HNRNPA1L2: variants seen among roughly 807,000 people sequenced by gnomAD.
The protein encoded by HNRNPA1L2 is heterogeneous nuclear ribonucleoprotein A1-like 2.
Under a neutral mutation model 18.2 loss-of-function variants are expected in HNRNPA1L2, and 10 were observed. The observed-to-expected ratio is 0.55, with a 90% CI of 0.34 to 0.93. HNRNPA1L2 has a LOEUF of 0.93. Among genes scored for constraint, HNRNPA1L2 ranks in the 40% least tolerant of loss-of-function variants. HNRNPA1L2 has a pLI of 0.02. For missense variants in HNRNPA1L2, 308 were observed against 394.4 expected, an observed-to-expected ratio of 0.78 and a Z score of 1.85; for synonymous variants, 124 against 138.6, an observed-to-expected ratio of 0.89 and a Z score of 0.74.
the HNRNPA1L2 span, among the ~76,000 whole-genome samples, chr13:52,630,243 T>A: frequency 6.6e-6 from 1 of 152,232 alleles, no homozygotes; most frequent in African/African-American, 2.4e-5. Context: ...ATATTTGGCA[T>A]GGTCTGACAA....
At chr13:52,622,623 A>C in the HNRNPA1L2 span, among the ~76,000 whole-genome samples, 2 of 152,226 alleles carry the variant, frequency 1.3e-5, no homozygotes, top group African/African-American at 4.8e-5. Context: ...AGGTAGCTTC[A>C]TGTCTGTAAA....
chr13:52,635,831 GTTTTTT>G, the HNRNPA1L2 span, among the ~76,000 whole-genome samples: 1 of 131,784 alleles, frequency 7.6e-6, no homozygotes, highest in African/African-American at 2.8e-5. Context: ...CTGTATTACT[GTTTTTT>G]TTTTTTTTTT....
the HNRNPA1L2 span, among the ~76,000 whole-genome samples, chr13:52,635,194 T>C: frequency 6.6e-6 from 1 of 152,120 alleles, no homozygotes; most frequent in African/African-American, 2.4e-5. Flanking sequence ...TAAAGGCTCA[T>C]AGAAACCGAT....
rs1205711850 is a variant in HNRNPA1L2 at position 52,642,656 on chromosome 13, G to A, written c.164G>A (p.Arg55Lys). 6.2e-7 allele frequency: 1 copy of A among 1,611,220 alleles called. No homozygotes were observed. Among genetic ancestry groups the A allele is most frequent in the Non-Finnish European group, 8.5e-7 (1 of 1,179,848 alleles). The change falls in exon 1 of 1, where the codon AGG becomes AAG. Residue 55 changes from arginine (R) to lysine (K), a missense_variant. By Grantham distance (26) the Arg-to-Lys change is conservative. Transcript: ENST00000357495. ...VMRDPNTKRS[R>K]GFGFVTYATV... is the part of the protein sequence containing the mutation. ...AGAGATCCAAACACCAAGCGCTCCAGGGGCTTTGGGTTTGTCACATATGCC... is the reference window on the plus strand; with the variant it reads ...AGAGATCCAAACACCAAGCGCTCCAAGGGCTTTGGGTTTGTCACATATGCC...
At chr13:52,622,841 T>A in the HNRNPA1L2 span, among the ~76,000 whole-genome samples, 1 of 152,114 alleles carries the variant, frequency 6.6e-6, no homozygotes, top group Non-Finnish European at 1.5e-5. Context: ...TGGCATTGTG[T>A]TGTAGGTTAA....
the HNRNPA1L2 span, among the ~76,000 whole-genome samples, chr13:52,633,481 A>T: frequency 6.6e-6 from 1 of 152,168 alleles, no homozygotes. Flanking sequence ...CTCAGTACAA[A>T]TGGTCTCCAG....
the HNRNPA1L2 span, among the ~76,000 whole-genome samples, chr13:52,630,029 AG>A: frequency 2.0e-5 from 3 of 151,940 alleles, no homozygotes; most frequent in Non-Finnish European, 2.9e-5. Flanking sequence ...TGGAGGTTGC[AG>A]TGAGCCAAGA....
chr13:52,642,505 G>A lies in HNRNPA1L2; in HGVS notation c.13G>A (p.Ala5Thr). Residue 5 changes from alanine (A) to threonine (T), a missense_variant, in exon 1 of 1, where the codon GCG (alanine) becomes ACG (threonine). Coordinates refer to ENST00000357495, the MANE Select transcript of HNRNPA1L2 (RefSeq NM_001389320.1). ...TCACCTTGCCGTCATGTCTAAGTCA[G>A]CGTCTCCAAAAGAGCCCGAACAGCT... MSKS[A>T]SPKEPEQLRK... 1 of 1,611,906 alleles carries A rather than the reference G, an allele frequency of 6.2e-7. No individual in the cohort carries two copies. The highest frequency in any genetic ancestry group is 2.2e-5 in the East Asian group (1 of 44,884).
At chr13:52,642,347 A>G, upstream of HNRNPA1L2, 1 of 1,121,578 alleles carries the variant, frequency 8.9e-7, no homozygotes. Flanking sequence ...GCCCATATGA[A>G]AAATGTATTT....
the HNRNPA1L2 span, among the ~76,000 whole-genome samples, chr13:52,626,568 A>T: frequency 6.6e-6 from 1 of 152,176 alleles, no homozygotes; most frequent in African/African-American, 2.4e-5. Flanking sequence ...ATATACGCAA[A>T]GTACGCAAAA....
the HNRNPA1L2 span, among the ~76,000 whole-genome samples, chr13:52,626,253 T>C: frequency 2.0e-5 from 3 of 151,998 alleles, no homozygotes; most frequent in Non-Finnish European, 1.5e-5. Context: ...AAAATATTAA[T>C]TTGGGTCCCA....
chr13:52,636,655 A>G, the HNRNPA1L2 span, among the ~76,000 whole-genome samples: 3 of 152,216 alleles, frequency 2.0e-5, no homozygotes, highest in Non-Finnish European at 4.4e-5. Context: ...TAGAGTTAAA[A>G]TAAACAGTCT....
the HNRNPA1L2 span, among the ~76,000 whole-genome samples, chr13:52,631,678 T>TAAAAAAAGAATTTAGAATTATA: frequency 6.6e-6 from 1 of 152,294 alleles, no homozygotes; most frequent in Non-Finnish European, 1.5e-5. Context: ...GTTTAGTCCA[T>TAAAAAAAGAATTTAGAATTATA]AAAAAAAGAA....
In HNRNPA1L2 at chr13:52,642,518, A is replaced by G; in HGVS notation, c.26A>G (p.Glu9Gly). 1 of 1,611,922 alleles carries G rather than the reference A, an allele frequency of 6.2e-7. No individual in the cohort carries two copies. The highest frequency in any genetic ancestry group is 8.5e-7 in the Non-Finnish European group (1 of 1,179,832). Residue 9 changes from glutamate (E) to glycine (G), a missense_variant, in exon 1 of 1, where the codon GAG (glutamate) becomes GGG (glycine). By Grantham distance (98) the Glu-to-Gly change is moderately conservative. Transcript: ENST00000357495. MSKSASPK[E>G]PEQLRKLFIG... ...ATGTCTAAGTCAGCGTCTCCAAAAG[A>G]GCCCGAACAGCTGAGGAAGCTCTTC...
the HNRNPA1L2 span, among the ~76,000 whole-genome samples, chr13:52,618,527 G>A: frequency 6.6e-6 from 1 of 152,182 alleles, no homozygotes; most frequent in Non-Finnish European, 1.5e-5. Flanking sequence ...GAATTAAGGG[G>A]ATGTGACATC....
chr13:52,643,159 A>C lies in HNRNPA1L2; in HGVS notation c.667A>C (p.Ser223Arg), dbSNP rs759705699. The change falls in exon 1 of 1, where the codon AGT becomes CGT. Residue 223 changes from serine (S) to arginine (R), a missense_variant. Coordinates refer to ENST00000357495, the MANE Select transcript of HNRNPA1L2 (RefSeq NM_001389320.1). ...CAACTTTGGTCGTGGAGGAAACTTCAGTGGTCGTGGTGGCTTTGGTGGCAG... is the reference window on the plus strand; with the variant it reads ...CAACTTTGGTCGTGGAGGAAACTTCCGTGGTCGTGGTGGCTTTGGTGGCAG... ...NDNFGRGGNF[S>R]GRGGFGGSCG... 6.3e-7 allele frequency: 1 copy of C among 1,598,000 alleles called. No individual in the cohort carries two copies. Among genetic ancestry groups the C allele is most frequent in the South Asian group, 1.1e-5 (1 of 90,980 alleles).
chr13:52,619,209 G>C, the HNRNPA1L2 span, among the ~76,000 whole-genome samples: 1 of 151,940 alleles, frequency 6.6e-6, no homozygotes, highest in East Asian at 1.9e-4. Context: ...TGTTGGCCAG[G>C]CTCCAACTCC....
In HNRNPA1L2 at chr13:52,642,979, G is replaced by A. The variant is rs745508499; in HGVS notation, c.487G>A (p.Val163Ile). The change falls in exon 1 of 1, where the codon GTC (valine) becomes ATC (isoleucine). Residue 163 changes from valine (V) to isoleucine (I), a missense_variant. Coordinates refer to ENST00000357495, the MANE Select transcript of HNRNPA1L2 (RefSeq NM_001389320.1). The part of the protein sequence containing the change: ...FDDHDSVDKI[V>I]IQKYHTVKGH... ...CGACCATGACTCCGTGGATAAGATT[G>A]TCATTCAGAAATACCATACTGTGAA... 6.3e-7 allele frequency: 1 copy of A among 1,597,414 alleles called. No individual in the cohort carries two copies. Among genetic ancestry groups the A allele is most frequent in the Non-Finnish European group, 8.5e-7 (1 of 1,179,816 alleles).
chr13:52,624,729 T>C, the HNRNPA1L2 span, among the ~76,000 whole-genome samples: 2 of 152,204 alleles, frequency 1.3e-5, no homozygotes, highest in Non-Finnish European at 2.9e-5. Flanking sequence ...CTAGAGATGA[T>C]TTAAAAGTAT....
Sources: allele counts gnomAD v4.1 joint callset (sites outside exome capture counted in the v4.1 genomes callset), GRCh38; gene constraint gnomAD v4.1.1; transcripts MANE v1.5; gene names NCBI Gene and HGNC (gene_info 2026-07-23, HGNC 2026-07-21).